The following MOCS1 variants were observed in gnomAD, a reference collection of about 807,000 sequenced individuals.
MOCS1 encodes molybdenum cofactor synthesis 1.
Under a neutral mutation model 57.6 loss-of-function variants are expected in MOCS1, and 39 were observed. The observed-to-expected ratio is 0.68, with a 90% CI of 0.52 to 0.88. The LOEUF is 0.88. MOCS1 is among the 40% of genes least tolerant of loss of function. The pLI, the probability that MOCS1 is intolerant of heterozygous loss-of-function variation, is 0.00. For missense variants in MOCS1, 795 were observed against 831.1 expected (o/e 0.96, Z 0.53); for synonymous variants, 334 against 335.7 (o/e 1.00, Z 0.05).
rs746115437 is a variant in MOCS1, at chr6:39,909,830, C to T, written c.1102+5G>A. 6.2e-7 allele frequency: 1 copy of T among 1,612,816 alleles called. No individual in the cohort carries two copies. Among genetic ancestry groups the T allele is most frequent in the Non-Finnish European group, 8.5e-7 (1 of 1,179,996 alleles). ...CCAGGCCAGCCCTCCCCACCCTGCA[C>T]TTACCTGCATGCTGCCGCTTCTTCC... On this transcript the variant is annotated splice_donor_5th_base_variant and intron_variant, in intron 9 of 10. Transcript: ENST00000340692.
intron 4 of MOCS1, among the ~76,000 whole-genome samples, chr6:39,914,288 C>T (rs1356046701): frequency 6.6e-6 from 1 of 152,156 alleles, no homozygotes; most frequent in Non-Finnish European, 1.5e-5. Context: ...TCTAGTTGAA[C>T]CCTCTTGTAG....
At chr6:39,925,356 G>A (rs992190278) in intron 3 of MOCS1, among the ~76,000 whole-genome samples, 2 of 152,132 alleles carry the variant, frequency 1.3e-5, no homozygotes, top group African/African-American at 4.8e-5. Flanking sequence ...GGAGGGGAAA[G>A]GTGGAGAAGC....
intron 1 of MOCS1, chr6:39,927,733 G>A: frequency 1.3e-6 from 2 of 1,522,988 alleles, no homozygotes; most frequent in Non-Finnish European, 1.8e-6. Flanking sequence ...GCAAGGTGGA[G>A]GCAAGGGTGT....
At position 39,906,667 on chromosome 6, in the gene MOCS1, A is replaced by G. The variant is rs2149396051; in HGVS notation, c.1601T>C (p.Val534Ala). The G allele has an allele frequency of 5.0e-6, 8 of 1,614,028 alleles. No individual in the cohort carries two copies. Among genetic ancestry groups the G allele is most frequent in the Admixed American group, 1.7e-5 (1 of 60,032 alleles). ...CTGGACTCCAGCCAGCTGGGCCACC[A>G]CTAGGGCATCTCCTTTCTTGAGCTG... ...QNQLKKGDAL[V>A]VAQLAGVQAA... Residue 534 changes from valine (V) to alanine (A), a missense_variant, in exon 11 of 11, where the codon GTG becomes GCG. Around this residue, in one of 3 missense-constraint regions of MOCS1, gnomAD observed 374 missense variants for 422.6 expected, o/e 0.89. Coordinates refer to ENST00000340692, the MANE Select transcript of MOCS1 (RefSeq NM_001358530.2).
Position 39,925,669 on chromosome 6 carries a change from C to T in MOCS1, c.418+9G>A. 3.7e-6 allele frequency: 6 copies of T among 1,612,808 alleles called. No homozygotes were observed. Among genetic ancestry groups the T allele is most frequent in the Non-Finnish European group, 4.2e-6 (5 of 1,179,992 alleles). ...TGGGAGAAGTGGCGATGACTTTCGT[C>T]CAACTCACCCACAATGTCCACCACG... is the stretch of plus-strand genomic sequence containing the variant. On this transcript the variant is annotated intron_variant, in intron 3 of 10. Transcript: ENST00000340692.
intron 8 of MOCS1, 25 bp from the exon 9 acceptor site, chr6:39,909,980 C>T: frequency 6.2e-7 from 1 of 1,611,206 alleles, no homozygotes; most frequent in Non-Finnish European, 8.5e-7. Context: ...GGACAATATG[C>T]CTTCCTTACC....
At chr6:39,933,015 G>C (rs1480606719) in intron 1 of MOCS1, among the ~76,000 whole-genome samples, 3 of 152,132 alleles carry the variant, frequency 2.0e-5, no homozygotes, top group African/African-American at 7.2e-5. Flanking sequence ...GATAGGAGCA[G>C]GCTCTCTCCC....
intron 4 of MOCS1, among the ~76,000 whole-genome samples, chr6:39,914,453 A>G (rs1035994383): frequency 1.8e-4 from 28 of 152,212 alleles, no homozygotes; most frequent in African/African-American, 6.5e-4. Flanking sequence ...CTGAGCACCT[A>G]CTACGCACAG....
intron 1 of MOCS1, among the ~76,000 whole-genome samples, chr6:39,933,221 G>A (rs1389724289): frequency 2.0e-5 from 3 of 152,102 alleles, no homozygotes; most frequent in Non-Finnish European, 4.4e-5. Context: ...TGAAAGACCA[G>A]TACAAAATAA....
Position 39,909,070 on chromosome 6 carries a change from G to A in MOCS1, c.1135C>T (p.Pro379Ser). 2 of 1,612,240 alleles carry A rather than the reference G, an allele frequency of 1.2e-6. No individual in the cohort carries two copies. Among genetic ancestry groups the A allele is most frequent in the Non-Finnish European group, 1.7e-6 (2 of 1,179,558 alleles). Residue 379 changes from proline (P) to serine (S), a missense_variant, in exon 10 of 11, where the codon CCC becomes TCC. By Grantham distance (74) the Pro-to-Ser change is moderately conservative. Transcript: ENST00000340692. ...MFSISQMKNRPMILIELFLMF... is the reference protein window; with the variant it reads ...MFSISQMKNRSMILIELFLMF... ...GGTCACCCACCGATGAGGATCATGG[G>A]CCGGTTCTTCATCTGGGAAATACTG...
chr6:39,912,986 T>C lies in MOCS1; in HGVS notation c.776A>G (p.Lys259Arg), dbSNP rs1330546411. ...MPFDGNKWNF[K>R]KMVSYKEMLD... ...CATCTCCTTATAGCTGACCATCTTC[T>C]TGAAGTTCCACTTGTTGCCTGTATT... is the stretch of plus-strand genomic sequence containing the variant. Residue 259 changes from lysine (K) to arginine (R), a missense_variant, in exon 7 of 11, where the codon AAG (lysine) becomes AGG (arginine). Lys to Arg is a conservative substitution (Grantham distance 26). This residue lies in a region of MOCS1 where 416 missense variants were observed against 392.4 expected (regional missense o/e 1.06). Transcript: ENST00000340692. 6.2e-7 allele frequency: 1 copy of C among 1,614,126 alleles called. No homozygotes were observed. Among genetic ancestry groups the C allele is most frequent in the Non-Finnish European group, 8.5e-7 (1 of 1,180,004 alleles).
chr6:39,912,951 C>A lies in MOCS1; in HGVS notation c.811G>T (p.Val271Phe). 2 of 1,614,212 alleles carry A rather than the reference C, an allele frequency of 1.2e-6. No individual in the cohort carries two copies. The highest frequency in any genetic ancestry group is 1.7e-6 in the Non-Finnish European group (2 of 1,180,042). Residue 271 changes from valine (V) to phenylalanine (F), a missense_variant, in exon 7 of 11, where the codon GTC (valine) becomes TTC (phenylalanine). Val to Phe is a conservative substitution (Grantham distance 50). Transcript: ENST00000340692. ...MVSYKEMLDT[V>F]RQQWPELEKV... ...TCCAGCTCTGGCCACTGCTGCCGGACAGTGTCTAGCATCTCCTTATAGCTG... is the reference window on the plus strand; with the variant it reads ...TCCAGCTCTGGCCACTGCTGCCGGAAAGTGTCTAGCATCTCCTTATAGCTG...
At chr6:39,916,294 G>C in intron 3 of MOCS1, 62 bp from the exon 4 acceptor site, 1 of 1,599,226 alleles carries the variant, frequency 6.3e-7, no homozygotes, top group Non-Finnish European at 8.5e-7. Context: ...CCGGGAAAAG[G>C]GCTGGAAGGC....
Position 39,905,333 on chromosome 6 carries a change from C to T in MOCS1, c.*1024G>A, listed in dbSNP as rs1182247615. 1 of 457,370 alleles carries T rather than the reference C, an allele frequency of 2.2e-6. No individual in the cohort carries two copies. The highest frequency in any genetic ancestry group is 2.0e-5 in the African/African-American group (1 of 50,076). 28.3% of individuals were successfully genotyped at this position (457,370 alleles called of 1,614,324 possible). ...AGATGGTGCATTTCTATGCCCCCTACTCCACTTTATTTTCCCATAGCGGGG... is the reference window on the plus strand; with the variant it reads ...AGATGGTGCATTTCTATGCCCCCTATTCCACTTTATTTTCCCATAGCGGGG... On this transcript the variant is annotated 3_prime_UTR_variant, in exon 11 of 11. Coordinates refer to ENST00000340692, the MANE Select transcript of MOCS1 (RefSeq NM_001358530.2).
intron 1 of MOCS1, among the ~76,000 whole-genome samples, chr6:39,930,112 T>G (rs1423310006): frequency 6.6e-6 from 1 of 152,098 alleles, no homozygotes; most frequent in East Asian, 1.9e-4. Context: ...CTGCCAGCAA[T>G]GCAAACTCAT....
At position 39,905,396 on chromosome 6, in the gene MOCS1, C is replaced by T. The variant is rs539276451; in HGVS notation, c.*961G>A. 4 of 467,912 alleles carry T rather than the reference C, an allele frequency of 8.5e-6. No homozygotes were observed. The highest frequency in any genetic ancestry group is 6.9e-5 in the East Asian group (1 of 14,394). The allele number at this position is 467,912 out of a possible 1,614,324, so 29.0% of individuals were successfully genotyped here. ...TACACCCTTAGGCCTTTCCAGGTCC[C>T]TCCTCTTCTTCCCTCAGGGAACTGT... On this transcript the variant is annotated 3_prime_UTR_variant, in exon 11 of 11. Coordinates refer to ENST00000340692, the MANE Select transcript of MOCS1 (RefSeq NM_001358530.2).
chr6:39,929,215 C>G (rs1478213372), intron 1 of MOCS1, among the ~76,000 whole-genome samples: 1 of 152,188 alleles, frequency 6.6e-6, no homozygotes, highest in Non-Finnish European at 1.5e-5. Context: ...AAGCAGCAGT[C>G]ACTTCTCTAA....
intron 3 of MOCS1, among the ~76,000 whole-genome samples, chr6:39,918,760 C>G (rs1374743288): frequency 6.6e-6 from 1 of 151,772 alleles, no homozygotes; most frequent in African/African-American, 2.4e-5. Context: ...GTCATCAAAC[C>G]AAAATGTCAA....
intron 3 of MOCS1, among the ~76,000 whole-genome samples, chr6:39,922,176 G>GA (rs777981441): frequency 9.2e-5 from 14 of 152,004 alleles, no homozygotes; most frequent in Non-Finnish European, 1.9e-4. Flanking sequence ...TTAAATGAAC[G>GA]AAAAAATCAT....
Sources: allele counts gnomAD v4.1 joint callset (sites outside exome capture counted in the v4.1 genomes callset), GRCh38; gene constraint gnomAD v4.1.1; regional missense constraint gnomAD v4.1.1; transcripts MANE v1.5; gene names NCBI Gene and HGNC (gene_info 2026-07-23, HGNC 2026-07-21).